LRP2: variants seen among roughly 807,000 people sequenced by gnomAD.
LRP2 encodes the protein LDL receptor related protein 2.
LRP2 carries 172 observed loss-of-function variants against 531.0 expected under a neutral mutation model. The ratio of observed to expected loss-of-function variants is 0.32; its 90% CI spans 0.29 to 0.37. The LOEUF (loss-of-function observed/expected upper bound fraction) is 0.37. Ranked by LOEUF, LRP2 falls within the 10% of genes least tolerant of loss-of-function variation. The pLI, the probability that LRP2 is intolerant of heterozygous loss-of-function variation, is 1.00. For synonymous variants in LRP2, 1,992 were observed against 2,027.6 expected (o/e 0.98, Z 0.47); for missense variants, 5,167 against 5,868.3 (o/e 0.88, Z 3.90).
intron 55 of LRP2, 54 bp downstream of exon 55, chr2:169,175,139 C>A (rs1687143839): frequency 2.6e-6 from 4 of 1,529,494 alleles, no homozygotes; most frequent in African/African-American, 1.4e-5. Context: ...GAATCATGAT[C>A]GTATACAATC....
At position 169,231,824 on chromosome 2, in the gene LRP2, A is replaced by T. The variant is rs372143300; in HGVS notation, c.5117T>A (p.Phe1706Tyr). 1 of 1,614,074 alleles carries T rather than the reference A, an allele frequency of 6.2e-7. No individual in the cohort carries two copies. The highest frequency in any genetic ancestry group is 8.5e-7 in the Non-Finnish European group (1 of 1,179,968). The part of the protein sequence containing the change: ...KQPNSVNPCA[F>Y]SRCSHLCLLS... The stretch of plus-strand genomic sequence containing the variant: ...CAGGCAGAGATGGCTGCAGCGGGAA[A>T]AGGCACATGGATTCACGGCTGCATG... The change falls in exon 31 of 79, where the codon TTT (phenylalanine) becomes TAT (tyrosine). Residue 1706 changes from phenylalanine to tyrosine, a missense_variant. By Grantham distance (22) the Phe-to-Tyr change is conservative. Transcript: ENST00000649046.
intron 75 of LRP2, 103 bp downstream of exon 75, chr2:169,138,474 T>A (rs572637785): frequency 7.8e-7 from 1 of 1,284,826 alleles, no homozygotes; most frequent in African/African-American, 1.5e-5. Context: ...CTGAGAGGCC[T>A]AATACTGTAT....
At chr2:169,168,813 C>A in intron 60 of LRP2, 137 bp from the exon 61 acceptor site, 1 of 966,264 alleles carries the variant, frequency 1.0e-6, no homozygotes, top group South Asian at 1.4e-5. Context: ...GTGGCCTTGA[C>A]CTGTCTGAAA....
chr2:169,187,620 T>C (rs1045380864), intron 49 of LRP2, among the ~76,000 whole-genome samples: 12 of 152,218 alleles, frequency 7.9e-5, no homozygotes, highest in African/African-American at 2.7e-4. Context: ...CAACGAGTTC[T>C]AGCAGAGGGA....
At chr2:169,154,696 T>C (rs1179932389) in intron 65 of LRP2, 93 bp from the exon 66 acceptor site, 2 of 1,133,730 alleles carry the variant, frequency 1.8e-6, no homozygotes, top group African/African-American at 3.1e-5. Flanking sequence ...CTGTCCCCTT[T>C]TTAAAGAACA....
rs181999057 is a variant in LRP2 at position 169,323,740 on chromosome 2, A to G, written c.80-2856T>C. Among the ~76,000 whole-genome samples the G allele has an allele frequency of 9.7e-4, 147 of 152,262 alleles. 3 individuals carry two copies. In the East Asian group the frequency reaches 0.014, roughly 15 times the overall value. On this transcript the variant is annotated intron_variant, in intron 1 of 78. Coordinates refer to ENST00000649046, the MANE Select transcript of LRP2 (RefSeq NM_004525.3). ...AAACTTTGTTCAGAAAATAGTCTCA[A>G]AACTGCCACATTCAACCAATCCAGT...
rs1369933024 is a variant in LRP2, at chr2:169,127,925, G to A, written c.*738C>T. The A allele has an allele frequency of 6.6e-6, 1 of 152,368 alleles. No homozygotes were observed. Among genetic ancestry groups the A allele is most frequent in the Non-Finnish European group, 1.5e-5 (1 of 68,058 alleles). 9.4% of individuals were successfully genotyped at this position (152,368 alleles called of 1,614,324 possible). On this transcript the variant is annotated 3_prime_UTR_variant, in exon 79 of 79. Transcript: ENST00000649046. ...TTAATTAACCACAAACTCAATGCAG[G>A]ACACTGGCACTTAATGATATGGGAT...
intron 16 of LRP2, among the ~76,000 whole-genome samples, chr2:169,263,895 G>A (rs1193203071): frequency 6.1e-4 from 92 of 151,982 alleles, no homozygotes; most frequent in African/African-American, 1.9e-3. Flanking sequence ...GCACATATAT[G>A]CCATGGAATA....
intron 52 of LRP2, among the ~76,000 whole-genome samples, chr2:169,180,680 TA>T (rs938745589): frequency 9.2e-5 from 14 of 152,114 alleles, no homozygotes; most frequent in Non-Finnish European, 1.6e-4. Flanking sequence ...AAAAATAAAA[TA>T]AAAAAATTTG....
In LRP2 at chr2:169,289,142, A is replaced by C. The variant is rs538021889; in HGVS notation, c.926T>G (p.Met309Arg). The change falls in exon 9 of 79, where the codon ATG (methionine) becomes AGG (arginine). Residue 309 changes from methionine (M) to arginine (R), a missense_variant. By Grantham distance (91) the Met-to-Arg change is moderately conservative. Around this residue, in one of 6 missense-constraint regions of LRP2, gnomAD observed 2,811 missense variants for 3,058.0 expected, o/e 0.92. Transcript: ENST00000649046. ...NNTSTGKYCS[M>R]TLCSALNCQY... The stretch of plus-strand genomic sequence containing the variant: ...GCAGTTCAAGGCAGAGCACAGAGTC[A>C]TACCTAAACGAAGAAAAGAACTTTG... 1 of 1,614,126 alleles carries C rather than the reference A, an allele frequency of 6.2e-7. No homozygotes were observed. The highest frequency in any genetic ancestry group is 1.1e-5 in the South Asian group (1 of 91,090).
In LRP2 at chr2:169,132,664, AT is replaced by A; in HGVS notation, c.13637del (p.Asn4546MetfsTer11). ...GACTTCCATAATTCTTATTATCCACATTTTCAGATACAGTCACCTGTGGACA... is the reference window on the plus strand; with the variant it reads ...GACTTCCATAATTCTTATTATCCACATTTCAGATACAGTCACCTGTGGACA... Reference protein sequence around the residue: ...VQPIQVTVSENVDNKNYGSPI... With the variant: ...VQPIQVTVSEXVDNKNYGSPI... On this transcript the variant is annotated frameshift_variant, in exon 77 of 79. Transcript: ENST00000649046. LOFTEE classifies it high-confidence loss of function. 6.3e-7 allele frequency: 1 copy of A among 1,584,104 alleles called. No individual in the cohort carries two copies. Among genetic ancestry groups the A allele is most frequent in the Non-Finnish European group, 8.7e-7 (1 of 1,152,778 alleles).
At chr2:169,230,990 A>C (rs1390672525) in intron 31 of LRP2, among the ~76,000 whole-genome samples, 1 of 152,136 alleles carries the variant, frequency 6.6e-6, no homozygotes, top group African/African-American at 2.4e-5. Context: ...TATTGGTTAT[A>C]AGAATAAAAA....
At chr2:169,351,892 G>C (rs1429999633) in intron 1 of LRP2, among the ~76,000 whole-genome samples, 2 of 152,178 alleles carry the variant, frequency 1.3e-5, no homozygotes, top group Non-Finnish European at 2.9e-5. Flanking sequence ...ATGCAGGGAA[G>C]TGAAATTAAT....
chr2:169,306,273 C>A (rs1684415560), intron 4 of LRP2, among the ~76,000 whole-genome samples: 1 of 152,130 alleles, frequency 6.6e-6, no homozygotes. Flanking sequence ...GTGGCTCATG[C>A]CTGTAATCCC....
chr2:169,347,478 C>T (rs1335044779), intron 1 of LRP2, among the ~76,000 whole-genome samples: 1 of 151,276 alleles, frequency 6.6e-6, no homozygotes, highest in African/African-American at 2.4e-5. Flanking sequence ...TAGTAAACAA[C>T]AACAACCTCT....
chr2:169,167,189 G>T (rs533674209), intron 61 of LRP2, among the ~76,000 whole-genome samples: 1 of 152,194 alleles, frequency 6.6e-6, no homozygotes, highest in African/African-American at 2.4e-5. Flanking sequence ...TGTCTAAGAT[G>T]TGTCTCAAGA....
At chr2:169,284,236 CTTTTCT>C (rs1288219351) in intron 9 of LRP2, among the ~76,000 whole-genome samples, 2 of 101,932 alleles carry the variant, frequency 2.0e-5, no homozygotes, top group African/African-American at 7.1e-5. Flanking sequence ...CTTCTCTTTT[CTTTTCT>C]TTTTCTTTTT....
intron 58 of LRP2, 92 bp from the exon 59 acceptor site, chr2:169,170,759 G>T: frequency 1.1e-6 from 1 of 879,394 alleles, no homozygotes; most frequent in Non-Finnish European, 1.9e-6. Context: ...TGGGTGCCCA[G>T]CACCCTCCTG....
chr2:169,166,066 G>T lies in LRP2; in HGVS notation c.11636-12C>A, dbSNP rs1177652805. On this transcript the variant is annotated splice_polypyrimidine_tract_variant and intron_variant, in intron 61 of 78. Transcript: ENST00000649046. ...ACAGGGAACATCCACTGAAAGGAAA[G>T]ATAGAAAAATGAAATTACAAGTTAA... 3.1e-6 allele frequency: 5 copies of T among 1,613,668 alleles called. No homozygotes were observed. The South Asian group carries it at 3.3e-5, about 11-fold the overall frequency.
Sources: gnomAD v4.1 joint callset for allele counts (sites outside exome capture counted in the v4.1 genomes callset) on GRCh38, gnomAD v4.1.1 for gene constraint, gnomAD v4.1.1 regional missense constraint, MANE v1.5 for transcripts, NCBI Gene and HGNC (gene_info 2026-07-23, HGNC 2026-07-21) for gene names.